MPDZ: variants seen among roughly 807,000 people sequenced by gnomAD.
MPDZ encodes multiple PDZ domain crumbs cell polarity complex component.
A neutral mutation model predicts 239.1 loss-of-function variants in MPDZ; 234 were observed. That is an observed-to-expected ratio of 0.98 (90% CI 0.88 to 1.09). MPDZ has a LOEUF of 1.09. Ranked by LOEUF, MPDZ falls within the 50% of genes least tolerant of loss-of-function variation. The pLI is 0.00. For missense variants in MPDZ, 3,175 were observed against 2,510.0 expected, an observed-to-expected ratio of 1.26 and a Z score of -5.66; for synonymous variants, 1,048 against 881.3, an observed-to-expected ratio of 1.19 and a Z score of -3.35.
At chr9:13,130,990 G>A (rs531955413) in intron 32 of MPDZ, among the ~76,000 whole-genome samples, 2 of 152,100 alleles carry the variant, frequency 1.3e-5, no homozygotes, top group East Asian at 1.9e-4. Context: ...GTTCAAAGTG[G>A]AGAAAATAAT....
intron 38 of MPDZ, chr9:13,120,071 T>A (rs79737091): frequency 0.028 from 4,803 of 173,304 alleles, 228 homozygotes; most frequent in South Asian, 0.11. Context: ...ATCACCATCA[T>A]TAATATTACT....
intron 12 of MPDZ, among the ~76,000 whole-genome samples, chr9:13,204,085 A>G (rs1956719664): frequency 6.6e-6 from 1 of 152,174 alleles, no homozygotes; most frequent in Non-Finnish European, 1.5e-5. Flanking sequence ...AATTTTCAGC[A>G]GAAAATCCAA....
At chr9:13,213,462 C>T (rs974713037) in intron 10 of MPDZ, among the ~76,000 whole-genome samples, 2 of 151,852 alleles carry the variant, frequency 1.3e-5, no homozygotes, top group African/African-American at 4.8e-5. Context: ...AAAAATCGAA[C>T]AAATAACAGA....
intron 12 of MPDZ, among the ~76,000 whole-genome samples, 194 bp downstream of exon 12, chr9:13,204,842 T>C (rs1956816093): frequency 1.3e-5 from 2 of 152,104 alleles, no homozygotes. Flanking sequence ...AAAGTATAAT[T>C]TAGCTATAAA....
Position 13,269,313 on chromosome 9 carries a change from G to C in MPDZ, c.-58+10087C>G, listed in dbSNP as rs1278910876. On this transcript the variant is annotated intron_variant, in intron 1 of 46. Transcript: ENST00000319217. Reference sequence around the variant, plus strand: ...TATTCCTTTTGGACATACTGAGTTTGAAATGCCTCTAGAAAACAGGAAATA... The same window carrying C: ...TATTCCTTTTGGACATACTGAGTTTCAAATGCCTCTAGAAAACAGGAAATA... Among the ~76,000 whole-genome samples the C allele has an allele frequency of 3.9e-5, 6 of 152,170 alleles. No homozygotes were observed. The East Asian group carries it at 1.2e-3, about 29-fold the overall frequency.
intron 3 of MPDZ, among the ~76,000 whole-genome samples, chr9:13,227,441 G>C (rs906047913): frequency 5.3e-5 from 8 of 152,058 alleles, no homozygotes; most frequent in African/African-American, 1.7e-4. Context: ...ACGCAGCTCA[G>C]GTTGAAGCAG....
Position 13,279,486 on chromosome 9 carries a change from C to G in MPDZ, c.-144G>C, listed in dbSNP as rs1446784192. ...TCGCCGGGGCCTCTGGATGCCTCGC[C>G]TCGCCCACGCTCACTGTCTTCTCTT... On this transcript the variant is annotated 5_prime_UTR_variant, in exon 1 of 47. Transcript: ENST00000319217. 5 of 148,744 alleles carry G rather than the reference C, an allele frequency of 3.4e-5. No homozygotes were observed. The East Asian group carries it at 9.9e-4, about 30-fold the overall frequency. 9.2% of individuals were successfully genotyped at this position (148,744 alleles called of 1,614,324 possible). A position where few individuals can be genotyped will look rare whatever the true frequency, so the allele number is the denominator to read the frequency against.
rs867122991 is a variant in MPDZ, at chr9:13,178,270, A to G, written c.2650-1853T>C. ...CGAGACTGCATCTCAAAAAAAAAAA[A>G]AAAAAAATTTGGTACATACTGCTAA... On this transcript the variant is annotated intron_variant, in intron 19 of 46. Transcript: ENST00000319217. Among the ~76,000 whole-genome samples, 89 of 151,816 alleles carry G rather than the reference A, an allele frequency of 5.9e-4. 1 individual carries two copies. Among genetic ancestry groups the G allele is most frequent in the Admixed American group, 2.2e-3 (34 of 15,212 alleles).
Position 13,268,888 on chromosome 9 carries a change from T to A in MPDZ, c.-58+10512A>T, listed in dbSNP as rs149964842. Among the ~76,000 whole-genome samples, 834 of 152,094 alleles carry A rather than the reference T, an allele frequency of 5.5e-3. 6 individuals carry two copies. The highest frequency in any genetic ancestry group is 0.018 in the African/African-American group (747 of 41,478). On this transcript the variant is annotated intron_variant, in intron 1 of 46. Transcript: ENST00000319217. The stretch of plus-strand genomic sequence containing the variant: ...CATGCAGGGACATTGGGGAGGGAGT[T>A]TGGAGGGTACAGGGATTACAGGGAT...
intron 3 of MPDZ, among the ~76,000 whole-genome samples, chr9:13,240,874 G>A (rs1034443478): frequency 1.3e-5 from 2 of 152,022 alleles, no homozygotes; most frequent in African/African-American, 2.4e-5. Flanking sequence ...AACTCATTTA[G>A]GTTATAACCA....
rs1217437493 is a variant in MPDZ, at chr9:13,190,041, A to G, written c.2154+73T>C. On this transcript the variant is annotated intron_variant, in intron 16 of 46. Transcript: ENST00000319217. Reference sequence around the variant, plus strand: ...AAGAAAACATCTTTGATGGTTATAAACTATCATCATCTGCTTTTTCTTTGA... The same window carrying G: ...AAGAAAACATCTTTGATGGTTATAAGCTATCATCATCTGCTTTTTCTTTGA... 2.7e-5 allele frequency: 36 copies of G among 1,354,266 alleles called. No homozygotes were observed. In the East Asian group the frequency reaches 9.0e-4, roughly 34 times the overall value. 83.9% of individuals were successfully genotyped at this position (1,354,266 alleles called of 1,614,324 possible). A position where few individuals can be genotyped will look rare whatever the true frequency, so the allele number is the denominator to read the frequency against.
intron 1 of MPDZ, among the ~76,000 whole-genome samples, chr9:13,269,048 G>A (rs1440307752): frequency 6.6e-6 from 1 of 152,120 alleles, no homozygotes; most frequent in Non-Finnish European, 1.5e-5. Context: ...TGAGAGCCTA[G>A]ATGAAGGTAA....
chr9:13,192,218 T>G lies in MPDZ; in HGVS notation c.1881A>C (p.Thr627=). ...GCACAGTTCGACGACAGCACACCAT[T>G]GTCACTTCTATAGGCAGTTCTTTTA... ...NILKELPIEV[T]MVCCRRTVPP... The change falls in exon 15 of 47, where the codon ACA becomes ACC. Residue 627 remains threonine, a synonymous_variant. Coordinates refer to ENST00000319217, the MANE Select transcript of MPDZ (RefSeq NM_001378778.1). 6.2e-7 allele frequency: 1 copy of G among 1,610,128 alleles called. No individual in the cohort carries two copies. The highest frequency in any genetic ancestry group is 8.5e-7 in the Non-Finnish European group (1 of 1,178,006).
chr9:13,204,110 A>C (rs972002591), intron 12 of MPDZ, among the ~76,000 whole-genome samples: 2 of 152,166 alleles, frequency 1.3e-5, no homozygotes, highest in African/African-American at 4.8e-5. Flanking sequence ...GAAGGAACAG[A>C]TATGTTAAAA....
chr9:13,198,331 C>T (rs1002341491), intron 12 of MPDZ, among the ~76,000 whole-genome samples: 2 of 152,084 alleles, frequency 1.3e-5, no homozygotes, highest in Admixed American at 6.6e-5. Context: ...TTTTGACTTG[C>T]ATTTCTCTGA....
In MPDZ at chr9:13,143,465, C is replaced by G. The variant is rs1448390501; in HGVS notation, c.3840+1G>C. 6.2e-7 allele frequency: 1 copy of G among 1,609,896 alleles called. No individual in the cohort carries two copies. Among genetic ancestry groups the G allele is most frequent in the Admixed American group, 1.7e-5 (1 of 59,936 alleles). The stretch of plus-strand genomic sequence containing the variant: ...CAGCAAGACAATGGGCATTATCCAA[C>G]CTTGTCGGCGTTGATTTGTAGAGAG... On this transcript the variant is annotated splice_donor_variant, in intron 27 of 46. Transcript: ENST00000319217. LOFTEE classifies it high-confidence loss of function.
chr9:13,277,278 A>G (rs1974438803), intron 1 of MPDZ, among the ~76,000 whole-genome samples: 1 of 152,188 alleles, frequency 6.6e-6, no homozygotes, highest in Non-Finnish European at 1.5e-5. Context: ...GAACTAGAGA[A>G]GGTAAGTGAA....
chr9:13,224,467 C>T lies in MPDZ; in HGVS notation c.300G>A (p.Gly100=), dbSNP rs773009331. Residue 100 remains glycine, a synonymous_variant, in exon 4 of 47, where the codon GGG becomes GGA. Transcript: ENST00000319217. ...CAGGTCCTGTAAGTGCTTCCAGATTCCCATTGTTTGGGGATAATAAAAACG... is the reference window on the plus strand; with the variant it reads ...CAGGTCCTGTAAGTGCTTCCAGATTTCCATTGTTTGGGGATAATAAAAACG... ...NESFLLSPNN[G]NLEALTGPGI... 1.2e-6 allele frequency: 2 copies of T among 1,612,916 alleles called. No individual in the cohort carries two copies. The highest frequency in any genetic ancestry group is 2.2e-5 in the South Asian group (2 of 91,056).
chr9:13,166,043 C>T (rs541840142), intron 22 of MPDZ, among the ~76,000 whole-genome samples: 2 of 152,238 alleles, frequency 1.3e-5, no homozygotes, highest in African/African-American at 4.8e-5. Context: ...AGTTATGTAA[C>T]TCAACCACAG....
Sources: gnomAD v4.1 joint callset for allele counts (sites outside exome capture counted in the v4.1 genomes callset) on GRCh38, gnomAD v4.1.1 for gene constraint, MANE v1.5 for transcripts, NCBI Gene and HGNC (gene_info 2026-07-23, HGNC 2026-07-21) for gene names.